The following LARGE1 variants were observed in gnomAD, a reference collection of about 807,000 sequenced individuals.
LARGE1 encodes LARGE xylosyl- and glucuronyltransferase 1.
Under a neutral mutation model 87.6 loss-of-function variants are expected in LARGE1, and 43 were observed. The ratio of observed to expected loss-of-function variants is 0.49; its 90% CI spans 0.38 to 0.63. The LOEUF is 0.63. Among genes scored for constraint, LARGE1 ranks in the 30% least tolerant of loss-of-function variants. The probability of loss-of-function intolerance (pLI) is 0.00; values close to 1 mark genes in which losing one functional copy is unlikely to be tolerated. For synonymous variants in LARGE1, 434 were observed against 394.6 expected (o/e 1.10, Z -1.18); for missense variants, 802 against 1,000.2 (o/e 0.80, Z 2.67).
intron 9 of LARGE1, among the ~76,000 whole-genome samples, chr22:33,340,324 G>A (rs764244248): frequency 6.6e-6 from 1 of 151,804 alleles, no homozygotes; most frequent in Non-Finnish European, 1.5e-5. Flanking sequence ...CCAGGAGACT[G>A]ATGGCTGGGC....
At chr22:33,300,820 G>A (rs927281062) in intron 12 of LARGE1, among the ~76,000 whole-genome samples, 5 of 152,236 alleles carry the variant, frequency 3.3e-5, no homozygotes, top group African/African-American at 1.2e-4. Context: ...GATTACACGC[G>A]TGAGCCACCG....
intron 2 of LARGE1, among the ~76,000 whole-genome samples, chr22:33,677,300 A>G (rs1282271318): frequency 6.6e-6 from 1 of 151,942 alleles, no homozygotes; most frequent in East Asian, 1.9e-4. Flanking sequence ...AAAAAAAAAA[A>G]AAAAAAAGAA....
the LARGE1 span, among the ~76,000 whole-genome samples, chr22:33,136,145 T>A: frequency 1.3e-5 from 2 of 152,208 alleles, no homozygotes; most frequent in East Asian, 1.9e-4. Context: ...GCTCTCTTTA[T>A]AAACCAAAAG....
intron 6 of LARGE1, among the ~76,000 whole-genome samples, chr22:33,489,936 A>T (rs1011365849): frequency 1.3e-5 from 2 of 152,096 alleles, no homozygotes; most frequent in Non-Finnish European, 2.9e-5. Context: ...GTCTCTAAAG[A>T]GGGTGCCTGT....
intron 2 of LARGE1, among the ~76,000 whole-genome samples, chr22:33,697,484 C>T (rs934263963): frequency 2.5e-5 from 3 of 119,544 alleles, no homozygotes; most frequent in African/African-American, 6.5e-5. Context: ...ATCACGAGGT[C>T]AGGAGATTGA....
intron 1 of LARGE1, among the ~76,000 whole-genome samples, chr22:33,849,592 C>CTTTTTTTTT (rs71187287): frequency 1.4e-4 from 12 of 88,592 alleles, no homozygotes; most frequent in East Asian, 3.1e-4. Flanking sequence ...CTTTTCTTCT[C>CTTTTTTTTT]TTTTTTTTTT....
chr22:33,100,346 T>C, the LARGE1 span, among the ~76,000 whole-genome samples: 1 of 70,396 alleles, frequency 1.4e-5, no homozygotes, highest in African/African-American at 4.9e-5. Context: ...TGGGACTCCA[T>C]CTCAAAAAAA....
At chr22:33,510,239 G>A (rs144628735) in intron 6 of LARGE1, among the ~76,000 whole-genome samples, 7 of 152,138 alleles carry the variant, frequency 4.6e-5, no homozygotes, top group African/African-American at 1.7e-4. Flanking sequence ...ACCTTGTAAG[G>A]GGGTAGTGGT....
At chr22:33,213,195 G>T (rs1049013421) in intron 11 of LARGE1, among the ~76,000 whole-genome samples, 1 of 152,152 alleles carries the variant, frequency 6.6e-6, no homozygotes, top group Non-Finnish European at 1.5e-5. Context: ...TAGAAGTAGC[G>T]TGTGAAGAGA....
intron 1 of LARGE1, among the ~76,000 whole-genome samples, chr22:33,856,991 C>T (rs560236987): frequency 8.5e-5 from 13 of 152,166 alleles, no homozygotes; most frequent in South Asian, 8.3e-4. Context: ...AATGCAGTGG[C>T]GTGATCTCAG....
chr22:33,860,734 C>T (rs570007395), intron 1 of LARGE1, among the ~76,000 whole-genome samples: 121 of 152,320 alleles, frequency 7.9e-4, no homozygotes, highest in Admixed American at 2.0e-3. Flanking sequence ...CAGGGCAAAG[C>T]GGGGGCAAGA....
At chr22:33,821,280 A>G (rs2086806592) in intron 1 of LARGE1, among the ~76,000 whole-genome samples, 1 of 152,118 alleles carries the variant, frequency 6.6e-6, no homozygotes, top group Admixed American at 6.6e-5. Context: ...ATCGTTACGA[A>G]GTTAGAAAAA....
At chr22:33,516,270 T>C (rs2071299569) in intron 6 of LARGE1, among the ~76,000 whole-genome samples, 1 of 151,954 alleles carries the variant, frequency 6.6e-6, no homozygotes, top group Admixed American at 6.6e-5. Flanking sequence ...GTGTGCCTGG[T>C]GTGACGAAGG....
intron 7 of LARGE1, among the ~76,000 whole-genome samples, chr22:33,403,034 G>T (rs774405850): frequency 6.6e-6 from 1 of 150,742 alleles, no homozygotes; most frequent in Non-Finnish European, 1.5e-5. Context: ...GACTTACAGG[G>T]CTATGGCTGT....
At chr22:33,087,369 A>G in the LARGE1 span, among the ~76,000 whole-genome samples, 1 of 152,202 alleles carries the variant, frequency 6.6e-6, no homozygotes, top group African/African-American at 2.4e-5. Context: ...AATATAAAAC[A>G]TTCAAAGATA....
At chr22:33,095,150 TG>T in the LARGE1 span, among the ~76,000 whole-genome samples, 1 of 152,276 alleles carries the variant, frequency 6.6e-6, no homozygotes, top group African/African-American at 2.4e-5. Context: ...CTAGGGCTGC[TG>T]TAACAAATTA....
intron 1 of LARGE1, among the ~76,000 whole-genome samples, chr22:33,805,981 G>A (rs938017270): frequency 1.1e-4 from 17 of 152,212 alleles, no homozygotes; most frequent in Non-Finnish European, 2.2e-4. Flanking sequence ...AAACAACCCA[G>A]AGGCATTTAT....
intron 2 of LARGE1, among the ~76,000 whole-genome samples, chr22:33,738,695 A>C (rs960319564): frequency 1.3e-5 from 2 of 152,234 alleles, no homozygotes; most frequent in Middle Eastern, 3.4e-3. Flanking sequence ...AAAATAAAAA[A>C]TTAGCCAGGT....
At chr22:33,383,068 C>T (rs1338826326) in intron 8 of LARGE1, among the ~76,000 whole-genome samples, 1 of 152,122 alleles carries the variant, frequency 6.6e-6, no homozygotes, top group Non-Finnish European at 1.5e-5. Context: ...CAAAAACATG[C>T]AGAGTGAGCT....
Sources: gnomAD v4.1 joint callset for allele counts (sites outside exome capture counted in the v4.1 genomes callset) on GRCh38, gnomAD v4.1.1 for gene constraint, MANE v1.5 for transcripts, NCBI Gene and HGNC (gene_info 2026-07-23, HGNC 2026-07-21) for gene names.